The following GABBR1 variants were observed in gnomAD, a reference collection of about 807,000 sequenced individuals.
GABBR1 encodes the protein gamma-aminobutyric acid type B receptor subunit 1.
GABBR1 carries 35 observed loss-of-function variants against 117.7 expected under a neutral mutation model. That is an observed-to-expected ratio of 0.30 (90% CI 0.23 to 0.39). The LOEUF (loss-of-function observed/expected upper bound fraction) is 0.39, where lower values mean the gene tolerates loss of function less well. GABBR1 is among the 10% of genes least tolerant of loss of function. The probability of loss-of-function intolerance (pLI) is 1.00; values close to 1 mark genes in which losing one functional copy is unlikely to be tolerated. For synonymous variants in GABBR1, 442 were observed against 486.6 expected, an observed-to-expected ratio of 0.91 and a Z score of 1.21; for missense variants, 709 against 1,241.8, an observed-to-expected ratio of 0.57 and a Z score of 6.45.
chr6:29,628,848 G>A (rs1487190573), intron 5 of GABBR1, among the ~76,000 whole-genome samples: 1 of 151,918 alleles, frequency 6.6e-6, no homozygotes, highest in Non-Finnish European at 1.5e-5. Context: ...CTGGGAGGAG[G>A]TGGAGCCCAG....
chr6:29,629,279 A>G, intron 4 of GABBR1, 172 bp from the exon 5 acceptor site: 1 of 741,736 alleles, frequency 1.3e-6, no homozygotes, highest in Non-Finnish European at 2.4e-6. Flanking sequence ...GTCTGGGGGT[A>G]AGGGGGTCAG....
chr6:29,609,419 A>G lies in GABBR1; in HGVS notation c.1709-40T>C, dbSNP rs1762302294. The G allele has an allele frequency of 6.3e-7, 1 of 1,588,696 alleles. No homozygotes were observed. ...GGAGGAAGAGGGGAAGGGAAAAGAG[A>G]AGGGAAGGAGGACAAAGGAATGAAG... On this transcript the variant is annotated intron_variant, in intron 14 of 22. Coordinates refer to ENST00000377034, the MANE Select transcript of GABBR1 (RefSeq NM_001470.4). This position sits in a 1 kb window ranked among gnomAD's most constrained non-coding sequence, Gnocchi z 4.3.
rs1028120204 is a variant in GABBR1, at chr6:29,606,226, A to G, written c.2311+165T>C. The G allele has an allele frequency of 1.6e-6, 1 of 638,554 alleles. No individual in the cohort carries two copies. The highest frequency in any genetic ancestry group is 1.8e-5 in the African/African-American group (1 of 54,992). 39.6% of individuals were successfully genotyped at this position (638,554 alleles called of 1,614,324 possible). A position where few individuals can be genotyped will look rare whatever the true frequency, so the allele number is the denominator to read the frequency against. On this transcript the variant is annotated intron_variant, in intron 19 of 22. Coordinates refer to ENST00000377034, the MANE Select transcript of GABBR1 (RefSeq NM_001470.4). The surrounding 1 kb of genome is among the most constrained non-coding windows in gnomAD (Gnocchi z 4.5). ...CATAGCAAAAGAGCAACTCTCCCCT[A>G]TTCTCAGAAAAGATTAGTGCAATAA...
intron 4 of GABBR1, chr6:29,629,812 CAAAA>C (rs28383808): frequency 4.8e-5 from 5 of 104,622 alleles, no homozygotes; most frequent in East Asian, 4.8e-4. Context: ...AATTACGTGG[CAAAA>C]AAAAAAAAAA....
At position 29,606,788 on chromosome 6, in the gene GABBR1, C is replaced by A; in HGVS notation, c.2217+109G>T. On this transcript the variant is annotated intron_variant, in intron 18 of 22. Coordinates refer to ENST00000377034, the MANE Select transcript of GABBR1 (RefSeq NM_001470.4). This position sits in a 1 kb window ranked among gnomAD's most constrained non-coding sequence, Gnocchi z 4.5. ...GGAAGAGCTTCCAATACGAGGAAGGCACTCTCTCCAAGTAGCTTCATCCCT... is the reference window on the plus strand; with the variant it reads ...GGAAGAGCTTCCAATACGAGGAAGGAACTCTCTCCAAGTAGCTTCATCCCT... The A allele has an allele frequency of 1.2e-6, 1 of 853,440 alleles. No individual in the cohort carries two copies. Among genetic ancestry groups the A allele is most frequent in the Non-Finnish European group, 1.9e-6 (1 of 534,482 alleles). The allele number at this position is 853,440 out of a possible 1,614,324, so 52.9% of individuals were successfully genotyped here.
chr6:29,626,885 T>A (rs1339847136), intron 6 of GABBR1, among the ~76,000 whole-genome samples: 1 of 152,018 alleles, frequency 6.6e-6, no homozygotes, highest in Admixed American at 6.5e-5. Flanking sequence ...CCATATGCCA[T>A]CTATCCCACA....
rs774700528 is a variant in GABBR1, at chr6:29,604,662, G to T, written c.2569-25C>A. The T allele has an allele frequency of 2.5e-6, 4 of 1,613,002 alleles. No individual in the cohort carries two copies. The highest frequency in any genetic ancestry group is 3.4e-6 in the Non-Finnish European group (4 of 1,180,026). ...TCTGGGGGCAAATGTTTGGGCGTGG[G>T]GTGGCCCAGCAAGGACTGTACTAGT... On this transcript the variant is annotated intron_variant, in intron 21 of 22. Transcript: ENST00000377034. This position sits in a 1 kb window ranked among gnomAD's most constrained non-coding sequence, Gnocchi z 5.3.
rs1763976176 is a variant in GABBR1 at position 29,623,583 on chromosome 6, T to C, written c.793-108A>G. On this transcript the variant is annotated intron_variant, in intron 7 of 22. Coordinates refer to ENST00000377034, the MANE Select transcript of GABBR1 (RefSeq NM_001470.4). This position sits in a 1 kb window ranked among gnomAD's most constrained non-coding sequence, Gnocchi z 6.2. ...CTGCCTTTGGGTTTCTCTTCCTTAC[T>C]CTCTCCAAACCTCCCCACCTCTGGT... 8.6e-7 allele frequency: 1 copy of C among 1,158,184 alleles called. No individual in the cohort carries two copies. Among genetic ancestry groups the C allele is most frequent in the Non-Finnish European group, 1.2e-6 (1 of 818,414 alleles). 71.7% of individuals were successfully genotyped at this position (1,158,184 alleles called of 1,614,324 possible).
At chr6:29,615,930 G>A (rs1005026023) in intron 11 of GABBR1, among the ~76,000 whole-genome samples, 10 of 152,026 alleles carry the variant, frequency 6.6e-5, no homozygotes, top group African/African-American at 1.9e-4. Context: ...AGCTGGGCAC[G>A]GTGGCTCACG....
chr6:29,614,565 G>A (rs1189322673), intron 11 of GABBR1, among the ~76,000 whole-genome samples: 1 of 152,204 alleles, frequency 6.6e-6, no homozygotes, highest in African/African-American at 2.4e-5. Flanking sequence ...TACTACACTG[G>A]GCTTTGAAGG....
At chr6:29,624,090 C>G (rs1374598003) in intron 6 of GABBR1, 66 bp from the exon 7 acceptor site, 1 of 1,434,258 alleles carries the variant, frequency 7.0e-7, no homozygotes, top group African/African-American at 1.4e-5. Context: ...AATTCCTGCT[C>G]TTATCTTTCT....
At position 29,630,957 on chromosome 6, in the gene GABBR1, T is replaced by C. The variant is rs1239561640; in HGVS notation, c.290-314A>G. On this transcript the variant is annotated intron_variant, in intron 3 of 22. Coordinates refer to ENST00000377034, the MANE Select transcript of GABBR1 (RefSeq NM_001470.4). The surrounding 1 kb of genome is among the most constrained non-coding windows in gnomAD (Gnocchi z 4.9). ...TGAAATATGTAGATGTATATAACTT[T>C]GGATGCACAATCAGATTTGCTTTTC... is the stretch of plus-strand genomic sequence containing the variant. 6.6e-6 allele frequency among the ~76,000 whole-genome samples: 1 copy of C among 152,254 alleles called. No individual in the cohort carries two copies. The highest frequency in any genetic ancestry group is 1.5e-5 in the Non-Finnish European group (1 of 68,040).
chr6:29,608,319 T>C (rs41286283), intron 16 of GABBR1: 19,735 of 337,556 alleles, frequency 0.058, 796 homozygotes, highest in South Asian at 0.13. Flanking sequence ...TTTGAGCAGA[T>C]CCCCTTCCTT....
At position 29,609,267 on chromosome 6, in the gene GABBR1, A is replaced by C; in HGVS notation, c.1821T>G (p.Val607=). ...TGTAGATGTTAAAGGACAGACAGAC[A>C]ACAGCTAGGACAATGCCCAGGCTGG... ...VLSSLGIVLA[V]VCLSFNIYNS... The change falls in exon 15 of 23, where the codon GTT becomes GTG. Residue 607 remains valine, a synonymous_variant. Transcript: ENST00000377034. This position sits in a 1 kb window ranked among gnomAD's most constrained non-coding sequence, Gnocchi z 4.3. 6.2e-7 allele frequency: 1 copy of C among 1,613,072 alleles called. No individual in the cohort carries two copies. The highest frequency in any genetic ancestry group is 1.1e-5 in the South Asian group (1 of 91,080).
rs1217949051 is a variant in GABBR1, at chr6:29,632,422, C to A, written c.1-37G>T. The A allele has an allele frequency of 2.3e-6, 3 of 1,327,748 alleles. No homozygotes were observed. Among genetic ancestry groups the A allele is most frequent in the South Asian group, 1.9e-5 (1 of 51,642 alleles). 82.2% of individuals were successfully genotyped at this position (1,327,748 alleles called of 1,614,324 possible). A position where few individuals can be genotyped will look rare whatever the true frequency, so the allele number is the denominator to read the frequency against. ...GCGGCCATGAGGACTGGACCGAGCCCCGCCGGCGCGGCCCGCACCCGGAGA... is the reference window on the plus strand; with the variant it reads ...GCGGCCATGAGGACTGGACCGAGCCACGCCGGCGCGGCCCGCACCCGGAGA... On this transcript the variant is annotated intron_variant, in intron 1 of 22. Transcript: ENST00000377034. This position sits in a 1 kb window ranked among gnomAD's most constrained non-coding sequence, Gnocchi z 5.8.
In GABBR1 at chr6:29,631,950, T is replaced by G. The variant is rs28599981; in HGVS notation, c.85+351A>C. 6.6e-6 allele frequency among the ~76,000 whole-genome samples: 1 copy of G among 151,274 alleles called. No individual in the cohort carries two copies. The highest frequency in any genetic ancestry group is 1.5e-5 in the Non-Finnish European group (1 of 67,890). ...CTAAATGAGGATATTCGAGTTGAAT[T>G]AGGATAGGAGGATAAAGGGAGGCTA... is the stretch of plus-strand genomic sequence containing the variant. On this transcript the variant is annotated intron_variant, in intron 2 of 22. Coordinates refer to ENST00000377034, the MANE Select transcript of GABBR1 (RefSeq NM_001470.4). This position sits in a 1 kb window ranked among gnomAD's most constrained non-coding sequence, Gnocchi z 5.9.
At position 29,603,488 on chromosome 6, in the gene GABBR1, C is replaced by A; in HGVS notation, c.*55G>T. 1 of 1,470,720 alleles carries A rather than the reference C, an allele frequency of 6.8e-7. No homozygotes were observed. Among genetic ancestry groups the A allele is most frequent in the Non-Finnish European group, 9.3e-7 (1 of 1,077,102 alleles). The allele number at this position is 1,470,720 out of a possible 1,614,324, so 91.1% of individuals were successfully genotyped here. A position where few individuals can be genotyped will look rare whatever the true frequency, so the allele number is the denominator to read the frequency against. On this transcript the variant is annotated 3_prime_UTR_variant, in exon 23 of 23. Transcript: ENST00000377034. ...GACCCCCTGCTTCCTGAGTCCCCTGCCCTTCCCCTCTCCCTTTCCCTCCCC... is the reference window on the plus strand; with the variant it reads ...GACCCCCTGCTTCCTGAGTCCCCTGACCTTCCCCTCTCCCTTTCCCTCCCC...
In GABBR1 at chr6:29,609,011, G is replaced by GT. The variant is rs1762255935; in HGVS notation, c.1859+217dup. 1.3e-5 allele frequency among the ~76,000 whole-genome samples: 2 copies of GT among 152,118 alleles called. No homozygotes were observed. The highest frequency in any genetic ancestry group is 4.1e-4 in the South Asian group (2 of 4,828). On this transcript the variant is annotated intron_variant, in intron 15 of 22. Coordinates refer to ENST00000377034, the MANE Select transcript of GABBR1 (RefSeq NM_001470.4). The surrounding 1 kb of genome is among the most constrained non-coding windows in gnomAD (Gnocchi z 4.3). ...ACTGTGAGACCTGGCCCCAAAGGTT[G>GT]TTTTTTTCTCTTCTTTTCTTTTTTC...
At chr6:29,614,650 A>G (rs1762880574) in intron 11 of GABBR1, among the ~76,000 whole-genome samples, 1 of 152,220 alleles carries the variant, frequency 6.6e-6, no homozygotes, top group Non-Finnish European at 1.5e-5. Flanking sequence ...CCCTCTCTTA[A>G]TCATCAGCAT....
Sources: gnomAD v4.1 joint callset for allele counts (sites outside exome capture counted in the v4.1 genomes callset) on GRCh38, gnomAD v4.1.1 for gene constraint, Gnocchi (gnomAD v3.1) non-coding constraint, MANE v1.5 for transcripts, NCBI Gene and HGNC (gene_info 2026-07-23, HGNC 2026-07-21) for gene names.